AQP4: variants seen among roughly 807,000 people sequenced by gnomAD.
The protein encoded by AQP4 is aquaporin-4.
Under a neutral mutation model 27.8 loss-of-function variants are expected in AQP4, and 18 were observed. The ratio of observed to expected loss-of-function variants is 0.65; its 90% CI spans 0.45 to 0.96. The LOEUF (loss-of-function observed/expected upper bound fraction) is 0.96, where lower values mean the gene tolerates loss of function less well. Among genes scored for constraint, AQP4 ranks in the 40% least tolerant of loss-of-function variants. The pLI, the probability that AQP4 is intolerant of heterozygous loss-of-function variation, is 0.00. For missense variants in AQP4, 412 were observed against 408.2 expected, an observed-to-expected ratio of 1.01 and a Z score of -0.08; for synonymous variants, 141 against 142.9, an observed-to-expected ratio of 0.99 and a Z score of 0.10.
At chr18:26,863,003 G>C (rs8086336) in intron 1 of AQP4, 4,201 of 182,780 alleles carry the variant, frequency 0.023, 327 homozygotes, top group African/African-American at 0.076. Flanking sequence ...GCGTGGGGGG[G>C]GGGGGTCGTC....
chr18:26,862,769 T>TA, intron 1 of AQP4, 173 bp from the exon 2 acceptor site: 1 of 774,698 alleles, frequency 1.3e-6, no homozygotes, highest in Non-Finnish European at 2.1e-6. Flanking sequence ...GTCAAGAGAC[T>TA]GTTATTCTAG....
At chr18:26,863,999 G>GT (rs1292566990) in intron 1 of AQP4, among the ~76,000 whole-genome samples, 1 of 141,132 alleles carries the variant, frequency 7.1e-6, no homozygotes, top group Non-Finnish European at 1.5e-5. Flanking sequence ...CCTTTTGGGG[G>GT]GGGGGGGCAA....
chr18:26,861,084 G>A, intron 3 of AQP4, 47 bp downstream of exon 3: 2 of 1,602,674 alleles, frequency 1.2e-6, no homozygotes, highest in Non-Finnish European at 1.7e-6. Context: ...GCTAGAGTGA[G>A]GATAAATGAG....
chr18:26,859,633 A>G (rs1276641649), intron 4 of AQP4, among the ~76,000 whole-genome samples: 1 of 152,096 alleles, frequency 6.6e-6, no homozygotes, highest in Non-Finnish European at 1.5e-5. Flanking sequence ...GACTAATCTC[A>G]TGGATGGCAT....
intron 4 of AQP4, among the ~76,000 whole-genome samples, chr18:26,857,214 T>C (rs545312409): frequency 1.3e-5 from 2 of 152,330 alleles, no homozygotes; most frequent in South Asian, 4.1e-4. Flanking sequence ...ACTGTGCAGA[T>C]AGCTTTCATC....
Position 26,855,826 on chromosome 18 carries a change from C to A in AQP4, c.*385G>T. The A allele has an allele frequency of 3.7e-6, 1 of 267,350 alleles. No homozygotes were observed. The highest frequency in any genetic ancestry group is 7.3e-6 in the Non-Finnish European group (1 of 137,086). The allele number at this position is 267,350 out of a possible 1,614,324, so 16.6% of individuals were successfully genotyped here. On this transcript the variant is annotated 3_prime_UTR_variant, in exon 5 of 5. Coordinates refer to ENST00000383168, the MANE Select transcript of AQP4 (RefSeq NM_001650.7). ...AACTCAGTTTAATAGAATAAATATT[C>A]AAATAAGAATTGACTATACCAATAT...
At chr18:26,859,378 G>T (rs2054898664) in intron 4 of AQP4, among the ~76,000 whole-genome samples, 1 of 152,078 alleles carries the variant, frequency 6.6e-6, no homozygotes, top group Non-Finnish European at 1.5e-5. Context: ...AAAATTAGCT[G>T]AGTGTGGTGG....
intron 2 of AQP4, among the ~76,000 whole-genome samples, chr18:26,861,818 C>T (rs1426124535): frequency 6.6e-6 from 1 of 151,838 alleles, no homozygotes; most frequent in Non-Finnish European, 1.5e-5. Context: ...CATTGTACAT[C>T]TTATGAACAT....
rs2054772593 is a variant in AQP4, at chr18:26,852,734, C to T, written c.*3477G>A. 1 of 397,958 alleles carries T rather than the reference C, an allele frequency of 2.5e-6. No individual in the cohort carries two copies. The highest frequency in any genetic ancestry group is 1.3e-4 in the South Asian group (1 of 7,844). The allele number at this position is 397,958 out of a possible 1,614,324, so 24.7% of individuals were successfully genotyped here. A position where few individuals can be genotyped will look rare whatever the true frequency, so the allele number is the denominator to read the frequency against. Reference sequence around the variant, plus strand: ...TTCCTACTAATTTTCATGTTAAAAACACTTTAGGAAAGACAGAATTACTTT... The same window carrying T: ...TTCCTACTAATTTTCATGTTAAAAATACTTTAGGAAAGACAGAATTACTTT... On this transcript the variant is annotated 3_prime_UTR_variant, in exon 5 of 5. Transcript: ENST00000383168.
chr18:26,860,244 T>G (rs2054916505), intron 4 of AQP4, among the ~76,000 whole-genome samples: 1 of 152,224 alleles, frequency 6.6e-6, no homozygotes. Context: ...TTCGACACCA[T>G]CTGCAGTTCA....
In AQP4 at chr18:26,852,184, C is replaced by T. The variant is rs1364707702; in HGVS notation, c.*4027G>A. The T allele has an allele frequency of 6.6e-6, 1 of 152,156 alleles. No individual in the cohort carries two copies. Among genetic ancestry groups the T allele is most frequent in the Non-Finnish European group, 1.5e-5 (1 of 68,026 alleles). 9.4% of individuals were successfully genotyped at this position (152,156 alleles called of 1,614,324 possible). A position where few individuals can be genotyped will look rare whatever the true frequency, so the allele number is the denominator to read the frequency against. ...GACGTTACAGTTTAAATCTTTTTAA[C>T]ATTAGCTCTAATGTTGGAATAACAT... is the stretch of plus-strand genomic sequence containing the variant. On this transcript the variant is annotated 3_prime_UTR_variant, in exon 5 of 5. Coordinates refer to ENST00000383168, the MANE Select transcript of AQP4 (RefSeq NM_001650.7).
chr18:26,853,298 GA>G lies in AQP4; in HGVS notation c.*2912del. ...AAATTTAGGCAACTACTTAAGTCCA[GA>G]AAATATTTCCTTCCAGTACAAAAGG... On this transcript the variant is annotated 3_prime_UTR_variant, in exon 5 of 5. Transcript: ENST00000383168. 6.2e-6 allele frequency: 1 copy of G among 161,216 alleles called. No homozygotes were observed. Among genetic ancestry groups the G allele is most frequent in the Middle Eastern group, 2.8e-3 (1 of 352 alleles). 10.0% of individuals were successfully genotyped at this position (161,216 alleles called of 1,614,324 possible).
rs1457385390 is a variant in AQP4 at position 26,853,234 on chromosome 18, G to T, written c.*2977C>A. 9.3e-6 allele frequency: 2 copies of T among 215,312 alleles called. No homozygotes were observed. The highest frequency in any genetic ancestry group is 5.8e-5 in the Admixed American group (1 of 17,282). The allele number at this position is 215,312 out of a possible 1,614,324, so 13.3% of individuals were successfully genotyped here. ...AATAAAAAGATAGTATAAGGGTTTAGGAAAAGCATCAATGGCAGAAATAAA... is the reference window on the plus strand; with the variant it reads ...AATAAAAAGATAGTATAAGGGTTTATGAAAAGCATCAATGGCAGAAATAAA... On this transcript the variant is annotated 3_prime_UTR_variant, in exon 5 of 5. Transcript: ENST00000383168.
intron 1 of AQP4, 51 bp downstream of exon 1, chr18:26,865,607 T>C (rs1408409282): frequency 1.2e-6 from 2 of 1,610,812 alleles, no homozygotes; most frequent in African/African-American, 2.7e-5. Context: ...AAAGAGACAG[T>C]TTCATCTTTT....
rs370515491 is a variant in AQP4 at position 26,862,144 on chromosome 18, G to A, written c.447+38C>T. 16 of 1,608,590 alleles carry A rather than the reference G, an allele frequency of 9.9e-6. No individual in the cohort carries two copies. In the East Asian group the frequency reaches 2.2e-4, roughly 22 times the overall value. Reference sequence around the variant, plus strand: ...TTATTTAGCAAAGAGTTTGCAAGAAGCTTGGAGTCCTAGTTTGAAAATAGC... The same window carrying A: ...TTATTTAGCAAAGAGTTTGCAAGAAACTTGGAGTCCTAGTTTGAAAATAGC... On this transcript the variant is annotated intron_variant, in intron 2 of 4. Coordinates refer to ENST00000383168, the MANE Select transcript of AQP4 (RefSeq NM_001650.7).
intron 4 of AQP4, among the ~76,000 whole-genome samples, chr18:26,856,946 C>T (rs1213350805): frequency 6.6e-6 from 1 of 152,120 alleles, no homozygotes; most frequent in African/African-American, 2.4e-5. Flanking sequence ...TTCCGTTATT[C>T]AGGTAAGCAT....
chr18:26,856,035 T>C lies in AQP4; in HGVS notation c.*176A>G. On this transcript the variant is annotated 3_prime_UTR_variant, in exon 5 of 5. Coordinates refer to ENST00000383168, the MANE Select transcript of AQP4 (RefSeq NM_001650.7). Reference sequence around the variant, plus strand: ...TTTAGATTTGGAATTCACAATAGGTTTCTTCCGTTCCTCCTTTGTAAATTA... The same window carrying C: ...TTTAGATTTGGAATTCACAATAGGTCTCTTCCGTTCCTCCTTTGTAAATTA... 1.3e-6 allele frequency: 1 copy of C among 784,578 alleles called. No homozygotes were observed. Among genetic ancestry groups the C allele is most frequent in the Non-Finnish European group, 2.0e-6 (1 of 495,370 alleles). The allele number at this position is 784,578 out of a possible 1,614,324, so 48.6% of individuals were successfully genotyped here.
intron 4 of AQP4, 151 bp downstream of exon 4, chr18:26,860,621 T>C (rs111935347): frequency 8.0e-6 from 6 of 745,886 alleles, no homozygotes; most frequent in Middle Eastern, 3.8e-4. Flanking sequence ...TGCTATTCTT[T>C]CCCTAGTCTT....
chr18:26,858,152 G>A (rs952194165), intron 4 of AQP4, among the ~76,000 whole-genome samples: 1 of 151,964 alleles, frequency 6.6e-6, no homozygotes, highest in Non-Finnish European at 1.5e-5. Flanking sequence ...TGCACCTGTA[G>A]TCCCAGCTAC....
Sources: allele counts gnomAD v4.1 joint callset (sites outside exome capture counted in the v4.1 genomes callset), GRCh38; gene constraint gnomAD v4.1.1; transcripts MANE v1.5; gene names NCBI Gene and HGNC (gene_info 2026-07-23, HGNC 2026-07-21).